The following RBFOX1 variants were observed in gnomAD, a reference collection of about 807,000 sequenced individuals.
The protein encoded by RBFOX1 is RNA binding fox-1 homolog 1, also known as RNA binding protein fox-1 homolog 1.
In RBFOX1, 8 loss-of-function variants were observed where a neutral mutation model predicts 57.7. The observed-to-expected ratio is 0.14, with a 90% CI of 0.08 to 0.25. The LOEUF is 0.25. Among genes scored for constraint, RBFOX1 ranks in the 10% least tolerant of loss-of-function variants. RBFOX1 has a pLI of 1.00. For synonymous variants in RBFOX1, 326 were observed against 222.4 expected, an observed-to-expected ratio of 1.47 and a Z score of -4.15; for missense variants, 611 against 548.5, an observed-to-expected ratio of 1.11 and a Z score of -1.14.
intron 1 of RBFOX1, among the ~76,000 whole-genome samples, chr16:5,256,374 G>A (rs1249269648): frequency 1.3e-5 from 2 of 152,114 alleles, no homozygotes; most frequent in African/African-American, 4.8e-5. Context: ...TCGGGGAGGG[G>A]GCTGACAATG....
intron 1 of RBFOX1, among the ~76,000 whole-genome samples, chr16:6,305,683 A>T (rs141142429): frequency 6.6e-6 from 1 of 150,946 alleles, no homozygotes; most frequent in African/African-American, 2.4e-5. Flanking sequence ...TCATTTGATC[A>T]TGGGGAGAAT....
At chr16:7,135,734 C>T (rs1177415651) in intron 4 of RBFOX1, among the ~76,000 whole-genome samples, 11 of 152,238 alleles carry the variant, frequency 7.2e-5, no homozygotes. Context: ...TTAACCCTGT[C>T]TTCCTCCTAA....
chr16:7,251,907 C>G (rs747038932), intron 4 of RBFOX1, among the ~76,000 whole-genome samples: 2 of 152,156 alleles, frequency 1.3e-5, no homozygotes, highest in East Asian at 3.9e-4. Flanking sequence ...TAAGGAACCT[C>G]CATACCATTT....
At chr16:6,727,210 C>G (rs2067434716) in intron 3 of RBFOX1, among the ~76,000 whole-genome samples, 1 of 152,036 alleles carries the variant, frequency 6.6e-6, no homozygotes, top group Non-Finnish European at 1.5e-5. Context: ...GCAATTCTGA[C>G]AATCCCTCAA....
At chr16:6,887,469 A>C (rs543609897) in intron 3 of RBFOX1, among the ~76,000 whole-genome samples, 6 of 152,104 alleles carry the variant, frequency 3.9e-5, no homozygotes, top group African/African-American at 1.4e-4. Flanking sequence ...ACTTCGCATC[A>C]TGTTTTCTGG....
intron 2 of RBFOX1, among the ~76,000 whole-genome samples, chr16:5,496,880 T>C (rs1342019154): frequency 6.6e-6 from 1 of 152,212 alleles, no homozygotes; most frequent in Non-Finnish European, 1.5e-5. Flanking sequence ...CAATCATGGA[T>C]TTTATCATTT....
intron 3 of RBFOX1, among the ~76,000 whole-genome samples, chr16:6,746,682 A>G (rs1001885704): frequency 7.2e-5 from 10 of 138,808 alleles, no homozygotes; most frequent in African/African-American, 1.7e-4. Context: ...GGTGTCAGGG[A>G]AAAAAAAAAA....
intron 3 of RBFOX1, among the ~76,000 whole-genome samples, chr16:5,741,255 G>T (rs2052759983): frequency 6.6e-6 from 1 of 152,150 alleles, no homozygotes; most frequent in African/African-American, 2.4e-5. Context: ...AATCAGTGGG[G>T]TCGCCCTGAA....
chr16:6,382,749 A>T (rs781036521), intron 2 of RBFOX1, among the ~76,000 whole-genome samples: 10 of 152,106 alleles, frequency 6.6e-5, no homozygotes, highest in Non-Finnish European at 1.0e-4. Context: ...AATCCCAGCT[A>T]CTTGGGAGGC....
At chr16:5,368,073 G>C (rs527272916) in intron 1 of RBFOX1, among the ~76,000 whole-genome samples, 1 of 152,342 alleles carries the variant, frequency 6.6e-6, no homozygotes, top group African/African-American at 2.4e-5. Flanking sequence ...GCTCTAACCA[G>C]TCACAAATCA....
chr16:5,359,776 C>A (rs2065491875), intron 1 of RBFOX1, among the ~76,000 whole-genome samples: 1 of 151,992 alleles, frequency 6.6e-6, no homozygotes, highest in African/African-American at 2.4e-5. Flanking sequence ...GGTTGCCTTT[C>A]ATATGAATTT....
chr16:6,277,157 C>T (rs2075885480), intron 1 of RBFOX1, among the ~76,000 whole-genome samples: 1 of 152,030 alleles, frequency 6.6e-6, no homozygotes, highest in Non-Finnish European at 1.5e-5. Flanking sequence ...TTATAAATTG[C>T]ATTATTAAAA....
At chr16:7,217,026 TCCC>T (rs1567748538) in intron 4 of RBFOX1, among the ~76,000 whole-genome samples, 13,443 of 39,512 alleles carry the variant, frequency 0.34, 1,531 homozygotes, top group Middle Eastern at 0.55. Context: ...CCTCCCTCCC[TCCC>T]TCCCTCCCTC....
At chr16:6,141,479 A>T (rs7196806) in intron 1 of RBFOX1, among the ~76,000 whole-genome samples, 81,918 of 151,760 alleles carry the variant, frequency 0.54, 22,481 homozygotes, top group African/African-American at 0.62. Context: ...TTCTCTTCCA[A>T]CTATGTTCAT....
At chr16:6,716,567 G>A (rs761637938) in intron 3 of RBFOX1, among the ~76,000 whole-genome samples, 1 of 152,176 alleles carries the variant, frequency 6.6e-6, no homozygotes, top group Admixed American at 6.5e-5. Context: ...TTCTTGGAAT[G>A]GAACTTGTCT....
chr16:6,079,961 C>T (rs1027484567), intron 1 of RBFOX1, among the ~76,000 whole-genome samples: 6 of 152,310 alleles, frequency 3.9e-5, no homozygotes, highest in Middle Eastern at 6.8e-3. Flanking sequence ...ACTTTCAAAA[C>T]CCTGATTCTT....
At chr16:7,235,560 G>T (rs999035987) in intron 4 of RBFOX1, among the ~76,000 whole-genome samples, 3 of 152,200 alleles carry the variant, frequency 2.0e-5, no homozygotes, top group Admixed American at 6.5e-5. Context: ...ATGGATGTAT[G>T]TTGTGATGGA....
At chr16:6,803,668 C>G (rs1219353000) in intron 3 of RBFOX1, among the ~76,000 whole-genome samples, 7 of 152,162 alleles carry the variant, frequency 4.6e-5, no homozygotes, top group Non-Finnish European at 1.0e-4. Context: ...TAATTTCTCC[C>G]TGAACAAATA....
intron 3 of RBFOX1, among the ~76,000 whole-genome samples, chr16:6,808,129 C>G (rs1453957385): frequency 1.5e-5 from 2 of 137,614 alleles, no homozygotes; most frequent in Non-Finnish European, 3.1e-5. Context: ...ATGCATAGAA[C>G]TATATATAAT....
Sources: allele counts gnomAD v4.1 joint callset (sites outside exome capture counted in the v4.1 genomes callset), GRCh38; gene constraint gnomAD v4.1.1; transcripts MANE v1.5; gene names NCBI Gene and HGNC (gene_info 2026-07-23, HGNC 2026-07-21).